VAV3: variants seen among roughly 807,000 people sequenced by gnomAD.
VAV3 encodes the protein guanine nucleotide exchange factor VAV3.
In VAV3, 94 loss-of-function variants were observed where a neutral mutation model predicts 131.2. The ratio of observed to expected loss-of-function variants is 0.72; its 90% confidence interval spans 0.61 to 0.85. The LOEUF is 0.85. VAV3 is among the 40% of genes least tolerant of loss of function. The pLI, the probability that VAV3 is intolerant of heterozygous loss-of-function variation, is 0.00. For missense variants in VAV3, 939 were observed against 1,002.7 expected (o/e 0.94, Z 0.86); for synonymous variants, 349 against 342.0 (o/e 1.02, Z -0.22).
At chr1:107,711,791 G>A (rs1378237209) in intron 15 of VAV3, among the ~76,000 whole-genome samples, 14 of 152,006 alleles carry the variant, frequency 9.2e-5, no homozygotes, top group Non-Finnish European at 2.9e-5. Flanking sequence ...AGGTTCGAGC[G>A]ATTCTCATGC....
At chr1:107,625,238 G>C (rs1653926407) in intron 20 of VAV3, among the ~76,000 whole-genome samples, 1 of 148,288 alleles carries the variant, frequency 6.7e-6, no homozygotes, top group Non-Finnish European at 1.5e-5. Flanking sequence ...GGGATGATGT[G>C]TGTCAGTAAT....
chr1:107,790,679 CTTTTTTTTTTTTTTTT>C (rs145926469), intron 2 of VAV3, among the ~76,000 whole-genome samples: 5 of 69,818 alleles, frequency 7.2e-5, no homozygotes, highest in Non-Finnish European at 1.0e-4. Context: ...AAATGTCTTC[CTTTTTTTTTTTTTTTT>C]TTTTTTTTTT....
rs1037569664 is a variant in VAV3 at position 107,719,769 on chromosome 1, T to C, written c.1503-14708A>G. Among the ~76,000 whole-genome samples, 7 of 152,222 alleles carry C rather than the reference T, an allele frequency of 4.6e-5. No individual in the cohort carries two copies. In the South Asian group the frequency reaches 6.2e-4, roughly 13 times the overall value. ...AAAGACACATGAACACATATGTTTA[T>C]TGTGGCACTATTCACAACAGCAAAG... is the stretch of plus-strand genomic sequence containing the variant. On this transcript the variant is annotated intron_variant, in intron 15 of 26. Transcript: ENST00000370056.
chr1:107,720,128 G>A (rs182860543), intron 15 of VAV3, among the ~76,000 whole-genome samples: 4 of 152,162 alleles, frequency 2.6e-5, no homozygotes, highest in Admixed American at 6.6e-5. Context: ...GTTAATAGGT[G>A]CAGCAAACCA....
At chr1:107,883,866 T>C (rs1670901897) in intron 1 of VAV3, among the ~76,000 whole-genome samples, 1 of 152,194 alleles carries the variant, frequency 6.6e-6, no homozygotes, top group Admixed American at 6.5e-5. Context: ...CAAAGGTTTT[T>C]CTGTCAACAC....
intron 1 of VAV3, chr1:107,964,433 G>T: frequency 2.2e-6 from 1 of 463,840 alleles, no homozygotes; most frequent in Non-Finnish European, 3.9e-6. Flanking sequence ...AAGCCTTTAC[G>T]AAATCCTCAC....
At chr1:107,877,660 T>C (rs1317251206) in intron 1 of VAV3, among the ~76,000 whole-genome samples, 1 of 152,206 alleles carries the variant, frequency 6.6e-6, no homozygotes, top group Non-Finnish European at 1.5e-5. Context: ...ACTTATATAC[T>C]CTCACTTTTC....
intron 2 of VAV3, among the ~76,000 whole-genome samples, chr1:107,825,721 C>G (rs538208952): frequency 3.3e-5 from 5 of 152,286 alleles, no homozygotes; most frequent in African/African-American, 1.2e-4. Flanking sequence ...AAAATATCTG[C>G]CTATCCAAAT....
chr1:107,846,479 TAA>T (rs1571034907), intron 2 of VAV3, among the ~76,000 whole-genome samples: 3 of 152,258 alleles, frequency 2.0e-5, no homozygotes, highest in African/African-American at 4.8e-5. Flanking sequence ...GCAAATTGGA[TAA>T]AGAGTCAAGA....
chr1:107,807,875 G>A (rs1207292537), intron 2 of VAV3, among the ~76,000 whole-genome samples: 1 of 152,080 alleles, frequency 6.6e-6, no homozygotes, highest in African/African-American at 2.4e-5. Flanking sequence ...AGGACCAGCA[G>A]GAACAGAAAC....
intron 17 of VAV3, among the ~76,000 whole-genome samples, chr1:107,700,920 G>C (rs1208321171): frequency 6.6e-6 from 1 of 152,164 alleles, no homozygotes; most frequent in Non-Finnish European, 1.5e-5. Flanking sequence ...CCCACCAACA[G>C]TATAAAAGCA....
At chr1:107,810,833 A>T (rs116516078) in intron 2 of VAV3, among the ~76,000 whole-genome samples, 18 of 152,294 alleles carry the variant, frequency 1.2e-4, no homozygotes, top group Non-Finnish European at 2.2e-4. Context: ...AAACAGAAAC[A>T]ATACGCGACA....
chr1:107,937,872 T>C (rs1458801317), intron 1 of VAV3, among the ~76,000 whole-genome samples: 2 of 152,230 alleles, frequency 1.3e-5, no homozygotes, highest in Admixed American at 1.3e-4. Context: ...CACTAACATG[T>C]CTAGTCCTTA....
At position 107,625,077 on chromosome 1, in the gene VAV3, T is replaced by G. The variant is rs546746178; in HGVS notation, c.1915-7445A>C. Among the ~76,000 whole-genome samples, 8 of 152,190 alleles carry G rather than the reference T, an allele frequency of 5.3e-5. No individual in the cohort carries two copies. The East Asian group carries it at 1.4e-3, about 26-fold the overall frequency. ...TTCTTGGCTTCATTATCCTCACCTGTGAAACACAGAGCACGACCTAAGGAT... is the reference window on the plus strand; with the variant it reads ...TTCTTGGCTTCATTATCCTCACCTGGGAAACACAGAGCACGACCTAAGGAT... On this transcript the variant is annotated intron_variant, in intron 20 of 26. Transcript: ENST00000370056.
chr1:107,685,623 T>C (rs968328745), intron 18 of VAV3: 28 of 152,204 alleles, frequency 1.8e-4, no homozygotes, highest in African/African-American at 6.5e-4. Context: ...AACTATGAAC[T>C]GGTGTATTTA....
chr1:107,749,365 G>T, intron 14 of VAV3, 97 bp downstream of exon 14: 1 of 1,330,704 alleles, frequency 7.5e-7, no homozygotes. Flanking sequence ...AAAACATCTG[G>T]ATTGATAAGC....
At chr1:107,659,425 C>A (rs916565358) in intron 19 of VAV3, among the ~76,000 whole-genome samples, 2 of 152,154 alleles carry the variant, frequency 1.3e-5, no homozygotes, top group Admixed American at 6.5e-5. Context: ...TAACTACTTA[C>A]ATTTCTACGA....
chr1:107,594,183 A>T (rs1006591179), intron 25 of VAV3, among the ~76,000 whole-genome samples: 1 of 152,030 alleles, frequency 6.6e-6, no homozygotes, highest in African/African-American at 2.4e-5. Context: ...TTTACGAGGG[A>T]GATCTTACCT....
intron 13 of VAV3, 69 bp downstream of exon 13, chr1:107,751,048 G>T: frequency 6.9e-7 from 1 of 1,448,886 alleles, no homozygotes; most frequent in Non-Finnish European, 9.5e-7. Flanking sequence ...TGGAAAAATT[G>T]TCTTTAAGGT....
Sources: gnomAD v4.1 joint callset for allele counts (sites outside exome capture counted in the v4.1 genomes callset) on GRCh38, gnomAD v4.1.1 for gene constraint, MANE v1.5 for transcripts, NCBI Gene and HGNC (gene_info 2026-07-23, HGNC 2026-07-21) for gene names.